The following GBP2 variants were observed in gnomAD, a reference collection of about 807,000 sequenced individuals.
The protein encoded by GBP2 is guanylate-binding protein 2.
A neutral mutation model predicts 60.8 loss-of-function variants in GBP2; 54 were observed. The ratio of observed to expected loss-of-function variants is 0.89; its 90% CI spans 0.71 to 1.11. The LOEUF (loss-of-function observed/expected upper bound fraction) is 1.11, where lower values mean the gene tolerates loss of function less well. Among genes scored for constraint, GBP2 ranks in the 50% most tolerant of loss-of-function variants. The pLI is 0.00. For synonymous variants in GBP2, 243 were observed against 256.5 expected, an observed-to-expected ratio of 0.95 and a Z score of 0.50; for missense variants, 665 against 703.3, an observed-to-expected ratio of 0.95 and a Z score of 0.62.
chr1:89,121,489 G>T (rs538969951), intron 2 of GBP2, among the ~76,000 whole-genome samples: 1 of 152,224 alleles, frequency 6.6e-6, no homozygotes, highest in African/African-American at 2.4e-5. Context: ...GTCACTACAT[G>T]AACATTTTAA....
chr1:89,121,376 C>G (rs1681393720), intron 2 of GBP2, 106 bp from the exon 3 acceptor site: 5 of 984,566 alleles, frequency 5.1e-6, no homozygotes, highest in Non-Finnish European at 7.3e-6. Flanking sequence ...AAAGAAAATA[C>G]AACTGGCATA....
At chr1:89,121,636 G>C (rs560977176) in intron 2 of GBP2, 141 bp downstream of exon 2, 1 of 848,868 alleles carries the variant, frequency 1.2e-6, no homozygotes, top group African/African-American at 1.7e-5. Context: ...ATCCTCCAAA[G>C]TCAATGTAAA....
Position 89,121,234 on chromosome 1 carries a change from T to G in GBP2, c.227A>C (p.Lys76Thr). The change falls in exon 3 of 11, where the codon AAG (lysine) becomes ACG (threonine). Residue 76 changes from lysine (K) to threonine (T), a missense_variant. Transcript: ENST00000370466. ...SLGSTVKSHT[K>T]GIWMWCVPHP... ...AGGCACACACCACATCCAGATTCCC[T>G]TGGTGTGAGACTTCACTGTGGAGCC... 1.2e-6 allele frequency: 2 copies of G among 1,611,848 alleles called. No individual in the cohort carries two copies. Among genetic ancestry groups the G allele is most frequent in the South Asian group, 2.2e-5 (2 of 90,922 alleles).
intron 4 of GBP2, chr1:89,119,202 T>C (rs915114868): frequency 6.6e-6 from 1 of 152,166 alleles, no homozygotes; most frequent in Non-Finnish European, 1.5e-5. Context: ...GGTATTCTAA[T>C]AGGAACCAAT....
rs1205078116 is a variant in GBP2, at chr1:89,106,302, G to GA, written c.*1872dup. 1 of 152,202 alleles carries GA rather than the reference G, an allele frequency of 6.6e-6. No homozygotes were observed. The highest frequency in any genetic ancestry group is 6.5e-5 in the Admixed American group (1 of 15,282). The allele number at this position is 152,202 out of a possible 1,614,324, so 9.4% of individuals were successfully genotyped here. ...ACTAGATACAAAATACTAACTGTTT[G>GA]AAAGGTAAGAGCAATAACTAAACTG... On this transcript the variant is annotated 3_prime_UTR_variant, in exon 11 of 11. Coordinates refer to ENST00000370466, the MANE Select transcript of GBP2 (RefSeq NM_004120.5).
In GBP2 at chr1:89,112,490, C is replaced by T. The variant is rs780704348; in HGVS notation, c.1344G>A (p.Val448=). 1.9e-6 allele frequency: 3 copies of T among 1,614,106 alleles called. No homozygotes were observed. Among genetic ancestry groups the T allele is most frequent in the Non-Finnish European group, 2.5e-6 (3 of 1,179,994 alleles). Residue 448 remains valine (V), a synonymous_variant, in exon 8 of 11, where the codon GTG becomes GTA. Coordinates refer to ENST00000370466, the MANE Select transcript of GBP2 (RefSeq NM_004120.5). ...AGTTTACCTGTATCCCCTTCCTTGG[C>T]ACCTGGTAGTACTTATTCTTCAGCT... ...LQELKNKYYQ[V]PRKGIQAKEV...
intron 6 of GBP2, among the ~76,000 whole-genome samples, chr1:89,116,688 C>T (rs1681279160): frequency 6.6e-6 from 1 of 152,000 alleles, no homozygotes. Flanking sequence ...TTCTTTGTTG[C>T]TCAGTATATA....
At position 89,112,683 on chromosome 1, in the gene GBP2, G is replaced by A. The variant is rs761023283; in HGVS notation, c.1151C>T (p.Ala384Val). 1 of 1,613,328 alleles carries A rather than the reference G, an allele frequency of 6.2e-7. No individual in the cohort carries two copies. The highest frequency in any genetic ancestry group is 1.3e-5 in the African/African-American group (1 of 75,020). The change falls in exon 8 of 11, where the codon GCC (alanine) becomes GTC (valine). Residue 384 changes from alanine to valine, a missense_variant and splice_region_variant. Ala to Val is a moderately conservative substitution (Grantham distance 64). Transcript: ENST00000370466. ...VDQMFQRKLG[A>V]QLEARRDDFC... Reference sequence around the variant, plus strand: ...GTCATCTCGCCTTGCTTCCAACTGGGCCTGTGAAGTGACAAAACAGCACAG... The same window carrying A: ...GTCATCTCGCCTTGCTTCCAACTGGACCTGTGAAGTGACAAAACAGCACAG...
chr1:89,112,461 G>T lies in GBP2; in HGVS notation c.1362+11C>A. 1.2e-6 allele frequency: 2 copies of T among 1,610,462 alleles called. No homozygotes were observed. The highest frequency in any genetic ancestry group is 1.7e-6 in the Non-Finnish European group (2 of 1,176,758). ...CGAGTCCCAAGAAATGGTACCCACC[G>T]TGTAGTTTACCTGTATCCCCTTCCT... On this transcript the variant is annotated intron_variant, in intron 8 of 10. Coordinates refer to ENST00000370466, the MANE Select transcript of GBP2 (RefSeq NM_004120.5).
At chr1:89,122,229 C>A (rs1570324567) in intron 1 of GBP2, among the ~76,000 whole-genome samples, 1 of 152,144 alleles carries the variant, frequency 6.6e-6, no homozygotes, top group African/African-American at 2.4e-5. Flanking sequence ...TCCCATATAT[C>A]ATTTCCCCTA....
intron 8 of GBP2, among the ~76,000 whole-genome samples, 197 bp from the exon 9 acceptor site, chr1:89,110,463 T>TA (rs1008377275): frequency 6.6e-6 from 1 of 152,054 alleles, no homozygotes; most frequent in Non-Finnish European, 1.5e-5. Flanking sequence ...AATGAGTGGA[T>TA]AAAAAATTGT....
At chr1:89,118,179 A>C (rs1344234154) in intron 4 of GBP2, 1 of 155,562 alleles carries the variant, frequency 6.4e-6, no homozygotes, top group Non-Finnish European at 1.4e-5. Context: ...TCCCAAATCT[A>C]CCAATAAGGA....
intron 1 of GBP2, among the ~76,000 whole-genome samples, chr1:89,124,838 CTG>C (rs1681487941): frequency 6.6e-6 from 1 of 152,206 alleles, no homozygotes; most frequent in Admixed American, 6.5e-5. Context: ...TTTAACCTCT[CTG>C]TGTTTTAAGA....
At chr1:89,113,752 T>C (rs548964425) in intron 7 of GBP2, among the ~76,000 whole-genome samples, 2 of 152,278 alleles carry the variant, frequency 1.3e-5, no homozygotes, top group Admixed American at 6.5e-5. Flanking sequence ...TAAGTTAAAA[T>C]AGTCTTTAAC....
At chr1:89,110,436 C>T (rs1681139721) in intron 8 of GBP2, among the ~76,000 whole-genome samples, 170 bp from the exon 9 acceptor site, 1 of 151,966 alleles carries the variant, frequency 6.6e-6, no homozygotes, top group African/African-American at 2.4e-5. Flanking sequence ...TGGAATGAGC[C>T]CAAATGCCCA....
chr1:89,121,135 T>G lies in GBP2; in HGVS notation c.318+8A>C. On this transcript the variant is annotated splice_region_variant and intron_variant, in intron 3 of 10. Transcript: ENST00000370466. ...AAGTGAAATTTTTAAAATACTTATT[T>G]TTTTTACCTTCTCTATATCTCCCAG... 1 of 1,608,844 alleles carries G rather than the reference T, an allele frequency of 6.2e-7. No homozygotes were observed. The highest frequency in any genetic ancestry group is 8.5e-7 in the Non-Finnish European group (1 of 1,177,490).
chr1:89,121,046 G>T, intron 3 of GBP2, 97 bp downstream of exon 3: 2 of 829,594 alleles, frequency 2.4e-6, no homozygotes, highest in Non-Finnish European at 3.8e-6. Context: ...AAATCAAGGA[G>T]TAGGAGTGAT....
chr1:89,117,942 T>A (rs1377902858), intron 4 of GBP2, 169 bp from the exon 5 acceptor site: 2 of 601,862 alleles, frequency 3.3e-6, no homozygotes, highest in Non-Finnish European at 5.8e-6. Flanking sequence ...GCACCTACTA[T>A]GAACCAAGCA....
At chr1:89,121,644 A>G in intron 2 of GBP2, 133 bp downstream of exon 2, 3 of 911,918 alleles carry the variant, frequency 3.3e-6, no homozygotes, top group Non-Finnish European at 4.9e-6. Flanking sequence ...AAGTCAATGT[A>G]AAGAGCCCAT....
Sources: allele counts gnomAD v4.1 joint callset (sites outside exome capture counted in the v4.1 genomes callset), GRCh38; gene constraint gnomAD v4.1.1; transcripts MANE v1.5; gene names NCBI Gene and HGNC (gene_info 2026-07-23, HGNC 2026-07-21).